The following EPS15 variants were observed in gnomAD, a reference collection of about 807,000 sequenced individuals.
EPS15 encodes the protein epidermal growth factor receptor substrate 15.
Under a neutral mutation model 113.8 loss-of-function variants are expected in EPS15, and 72 were observed. The observed-to-expected ratio is 0.63, with a 90% confidence interval of 0.52 to 0.77. EPS15 has a LOEUF of 0.77. EPS15 is among the 30% of genes least tolerant of loss of function. The probability of loss-of-function intolerance (pLI) is 0.00; values close to 1 mark genes in which losing one functional copy is unlikely to be tolerated. For synonymous variants in EPS15, 344 were observed against 363.4 expected (o/e 0.95, Z 0.61); for missense variants, 1,048 against 1,045.8 (o/e 1.00, Z -0.03).
chr1:51,419,612 A>C (rs1468465119), intron 13 of EPS15, among the ~76,000 whole-genome samples: 1 of 152,144 alleles, frequency 6.6e-6, no homozygotes, highest in Non-Finnish European at 1.5e-5. Flanking sequence ...ACCATTAGAA[A>C]GTAGATCAGA....
chr1:51,498,343 G>A (rs1644360810), intron 1 of EPS15, among the ~76,000 whole-genome samples: 1 of 152,148 alleles, frequency 6.6e-6, no homozygotes, highest in Admixed American at 6.5e-5. Context: ...AATTTACAAT[G>A]GTTCAACTTA....
At chr1:51,478,687 A>G (rs2148519773) in intron 2 of EPS15, among the ~76,000 whole-genome samples, 1 of 151,342 alleles carries the variant, frequency 6.6e-6, no homozygotes, top group South Asian at 2.1e-4. Flanking sequence ...CTTGTCTGTA[A>G]AGTATTTTAT....
In EPS15 at chr1:51,447,093, G is replaced by C; in HGVS notation, c.664C>G (p.Pro222Ala). ...TCATCATATTTAGCTTTTTCTGCAG[G>C]GGATACAACCCACTACAGGGAGGAA... ...PSKRKTWVVS[P>A]AEKAKYDEIF... is the part of the protein sequence containing the mutation. Residue 222 changes from proline (P) to alanine (A), a missense_variant, in exon 10 of 25, where the codon CCT (proline) becomes GCT (alanine). Transcript: ENST00000371733. 1 of 1,609,952 alleles carries C rather than the reference G, an allele frequency of 6.2e-7. No homozygotes were observed. The highest frequency in any genetic ancestry group is 1.1e-5 in the South Asian group (1 of 89,920).
intron 1 of EPS15, among the ~76,000 whole-genome samples, chr1:51,489,664 A>G (rs1486767342): frequency 6.6e-6 from 1 of 152,036 alleles, no homozygotes; most frequent in Non-Finnish European, 1.5e-5. Context: ...GAGTAGTATT[A>G]ATATCCCTGC....
At chr1:51,464,106 T>C (rs114639333) in intron 6 of EPS15, among the ~76,000 whole-genome samples, 4,883 of 152,234 alleles carry the variant, frequency 0.032, 127 homozygotes, top group Non-Finnish European at 0.05. Flanking sequence ...TAGAAGGGCT[T>C]TGAAGAACAT....
chr1:51,387,290 G>C (rs1034806557), intron 21 of EPS15, among the ~76,000 whole-genome samples: 1 of 151,882 alleles, frequency 6.6e-6, no homozygotes. Flanking sequence ...GTCACCACCA[G>C]ACCTGCCCTA....
At chr1:51,433,428 G>C (rs1651895503) in intron 12 of EPS15, among the ~76,000 whole-genome samples, 1 of 152,194 alleles carries the variant, frequency 6.6e-6, no homozygotes, top group Non-Finnish European at 1.5e-5. Context: ...AGTATATCCA[G>C]GTCATGTCAG....
At chr1:51,519,175 C>A in intron 1 of EPS15, 24 bp downstream of exon 1, 1 of 1,431,066 alleles carries the variant, frequency 7.0e-7, no homozygotes, top group Non-Finnish European at 9.2e-7. Flanking sequence ...CGGCCAAGCC[C>A]GGCGGACGGG....
At chr1:51,496,350 T>C (rs750229552) in intron 1 of EPS15, among the ~76,000 whole-genome samples, 3 of 152,200 alleles carry the variant, frequency 2.0e-5, no homozygotes, top group African/African-American at 7.2e-5. Flanking sequence ...TACTAAGCTC[T>C]TTCATATGAA....
intron 21 of EPS15, among the ~76,000 whole-genome samples, chr1:51,390,338 G>T (rs553131174): frequency 6.6e-6 from 1 of 151,956 alleles, no homozygotes; most frequent in East Asian, 1.9e-4. Context: ...AGACTTAAAC[G>T]TTAGACCTAA....
chr1:51,461,021 TA>T, intron 8 of EPS15, 69 bp downstream of exon 8: 1 of 1,031,514 alleles, frequency 9.7e-7, no homozygotes, highest in Non-Finnish European at 1.5e-6. Flanking sequence ...AAGGATGAAC[TA>T]AAAGAGGAAA....
At chr1:51,492,536 G>C (rs1488014738) in intron 1 of EPS15, among the ~76,000 whole-genome samples, 1 of 152,116 alleles carries the variant, frequency 6.6e-6, no homozygotes, top group Non-Finnish European at 1.5e-5. Flanking sequence ...TGGATGTAAA[G>C]ACCATATCAC....
Position 51,356,562 on chromosome 1 carries a change from C to T in EPS15, c.*138G>A, listed in dbSNP as rs1646222329. The T allele has an allele frequency of 7.7e-6, 5 of 646,370 alleles. No homozygotes were observed. The highest frequency in any genetic ancestry group is 6.7e-5 in the East Asian group (2 of 29,834). The allele number at this position is 646,370 out of a possible 1,614,324, so 40.0% of individuals were successfully genotyped here. A position where few individuals can be genotyped will look rare whatever the true frequency, so the allele number is the denominator to read the frequency against. On this transcript the variant is annotated 3_prime_UTR_variant, in exon 25 of 25. Coordinates refer to ENST00000371733, the MANE Select transcript of EPS15 (RefSeq NM_001981.3). ...CTGTAATGAAGAAAAAAAAAAAATC[C>T]TAAAATTTTGTCACATTTACAGGAA...
intron 1 of EPS15, among the ~76,000 whole-genome samples, chr1:51,492,059 G>A (rs940803037): frequency 1.3e-4 from 19 of 151,854 alleles, no homozygotes; most frequent in African/African-American, 4.4e-4. Flanking sequence ...ATGTTGCCTA[G>A]GCTGGTCTCA....
intron 21 of EPS15, among the ~76,000 whole-genome samples, chr1:51,376,004 G>C (rs1236146083): frequency 2.0e-5 from 3 of 152,222 alleles, no homozygotes; most frequent in Non-Finnish European, 4.4e-5. Flanking sequence ...GTCTAGCTTA[G>C]ATAATTGATC....
chr1:51,369,665 C>T (rs142264306), intron 21 of EPS15, among the ~76,000 whole-genome samples: 2 of 152,278 alleles, frequency 1.3e-5, no homozygotes, highest in African/African-American at 4.8e-5. Flanking sequence ...TGAGATCATG[C>T]TATGCTGATA....
In EPS15 at chr1:51,503,406, C is replaced by T. The variant is rs954066291; in HGVS notation, c.33+15793G>A. Among the ~76,000 whole-genome samples the T allele has an allele frequency of 3.3e-5, 5 of 152,240 alleles. No individual in the cohort carries two copies. In the South Asian group the frequency reaches 1.0e-3, roughly 32 times the overall value. On this transcript the variant is annotated intron_variant, in intron 1 of 24. Coordinates refer to ENST00000371733, the MANE Select transcript of EPS15 (RefSeq NM_001981.3). ...ATCCCAGCACTTTGGGAGGCTGAGG[C>T]GGGTGGATTACCTAAAGTCGGGAGT...
chr1:51,446,977 G>A lies in EPS15; in HGVS notation c.780C>T (p.Thr260=), dbSNP rs1653108428. Residue 260 remains threonine, a synonymous_variant, in exon 10 of 25, where the codon ACC becomes ACT. Transcript: ENST00000371733. Reference sequence around the variant, plus strand: ...AGTCTTACCATATATGGGCTAGTAAGGTAGAAGGTAAACCTGTTTTCAAGA... The same window carrying A: ...AGTCTTACCATATATGGGCTAGTAAAGTAGAAGGTAAACCTGTTTTCAAGA... ...EIFLKTGLPS[T]LLAHIWSLCD... 2 of 1,612,384 alleles carry A rather than the reference G, an allele frequency of 1.2e-6. No homozygotes were observed. Among genetic ancestry groups the A allele is most frequent in the South Asian group, 2.2e-5 (2 of 90,934 alleles).
In EPS15 at chr1:51,354,870, T is replaced by C. The variant is rs1427349395; in HGVS notation, c.*1830A>G. ...ATAGATATTTAATATTTGAGTTTAA[T>C]TGAAAATTTTTTTGAAGCATTTAAA... On this transcript the variant is annotated 3_prime_UTR_variant, in exon 25 of 25. Coordinates refer to ENST00000371733, the MANE Select transcript of EPS15 (RefSeq NM_001981.3). The C allele has an allele frequency of 4.0e-5, 8 of 202,338 alleles. No individual in the cohort carries two copies. In the East Asian group the frequency reaches 4.6e-4, roughly 12 times the overall value. The allele number at this position is 202,338 out of a possible 1,614,324, so 12.5% of individuals were successfully genotyped here.
Sources: gnomAD v4.1 joint callset for allele counts (sites outside exome capture counted in the v4.1 genomes callset) on GRCh38, gnomAD v4.1.1 for gene constraint, MANE v1.5 for transcripts, NCBI Gene and HGNC (gene_info 2026-07-23, HGNC 2026-07-21) for gene names.